GALNT13: variants seen among roughly 807,000 people sequenced by gnomAD.
GALNT13 encodes the protein UDP-GalNAc:polypeptide N-acetylgalactosaminyltransferase 13.
A neutral mutation model predicts 64.2 loss-of-function variants in GALNT13; 28 were observed. That is an observed-to-expected ratio of 0.44 (90% CI 0.32 to 0.60). The LOEUF (loss-of-function observed/expected upper bound fraction) is 0.60, where lower values mean the gene tolerates loss of function less well. Among genes scored for constraint, GALNT13 ranks in the 20% least tolerant of loss-of-function variants. The probability of loss-of-function intolerance (pLI) is 0.05; values close to 1 mark genes in which losing one functional copy is unlikely to be tolerated. For synonymous variants in GALNT13, 214 were observed against 224.6 expected, an observed-to-expected ratio of 0.95 and a Z score of 0.42; for missense variants, 577 against 669.8, an observed-to-expected ratio of 0.86 and a Z score of 1.53.
the GALNT13 span, among the ~76,000 whole-genome samples, chr2:153,787,793 A>G: frequency 6.6e-6 from 1 of 152,232 alleles, no homozygotes; most frequent in African/African-American, 2.4e-5. Context: ...GAATTTTGCA[A>G]TGCAATTGCC....
At chr2:154,361,903 A>G (rs1179390579) in intron 9 of GALNT13, among the ~76,000 whole-genome samples, 1 of 152,132 alleles carries the variant, frequency 6.6e-6, no homozygotes, top group East Asian at 1.9e-4. Context: ...TCTTTCCAAG[A>G]CTTATTTATT....
chr2:153,400,703 T>A, the GALNT13 span, among the ~76,000 whole-genome samples: 33,595 of 152,120 alleles, frequency 0.22, 4,166 homozygotes, highest in African/African-American at 0.34. Flanking sequence ...ATTTTGTAGT[T>A]TATTTGCGTA....
At chr2:154,391,639 C>T (rs1698797813) in intron 9 of GALNT13, among the ~76,000 whole-genome samples, 1 of 152,092 alleles carries the variant, frequency 6.6e-6, no homozygotes, top group Admixed American at 6.6e-5. Context: ...AACAGCTATC[C>T]AATGCAATAT....
the GALNT13 span, among the ~76,000 whole-genome samples, chr2:153,372,336 T>G: frequency 8.0e-5 from 12 of 149,546 alleles, no homozygotes; most frequent in African/African-American, 3.0e-4. Context: ...CAGAAAGAAA[T>G]AAACATATAG....
the GALNT13 span, chr2:153,762,543 G>T: frequency 5.5e-6 from 1 of 182,798 alleles, no homozygotes; most frequent in Non-Finnish European, 1.2e-5. Context: ...ATTTTTATCA[G>T]GGTGGTACTT....
At chr2:153,698,807 C>G in the GALNT13 span, among the ~76,000 whole-genome samples, 1 of 152,198 alleles carries the variant, frequency 6.6e-6, no homozygotes, top group Non-Finnish European at 1.5e-5. Context: ...TTACATGGCA[C>G]TTATTCTAAA....
chr2:153,817,478 C>T, the GALNT13 span, among the ~76,000 whole-genome samples: 1 of 152,188 alleles, frequency 6.6e-6, no homozygotes, highest in East Asian at 1.9e-4. Flanking sequence ...CCTGACCTGT[C>T]TTCAGCAAAA....
At chr2:153,265,712 T>C in the GALNT13 span, among the ~76,000 whole-genome samples, 1 of 152,310 alleles carries the variant, frequency 6.6e-6, no homozygotes, top group Admixed American at 6.5e-5. Flanking sequence ...GGTGTTCCTG[T>C]GCAGAAGATT....
At chr2:153,835,937 TG>T in the GALNT13 span, among the ~76,000 whole-genome samples, 1 of 152,060 alleles carries the variant, frequency 6.6e-6, no homozygotes, top group African/African-American at 2.4e-5. Flanking sequence ...TTTGCCATTT[TG>T]GGGGGAATAG....
chr2:153,113,612 T>C, the GALNT13 span, among the ~76,000 whole-genome samples: 1 of 152,028 alleles, frequency 6.6e-6, no homozygotes, highest in African/African-American at 2.4e-5. Flanking sequence ...GATGGATTGT[T>C]GTAGTCTTTG....
At chr2:153,174,797 G>T in the GALNT13 span, among the ~76,000 whole-genome samples, 1 of 152,084 alleles carries the variant, frequency 6.6e-6, no homozygotes, top group African/African-American at 2.4e-5. Flanking sequence ...TTTACCTGAA[G>T]CATCTTTAAT....
chr2:154,007,333 G>A (rs978622376), intron 3 of GALNT13, among the ~76,000 whole-genome samples: 2 of 149,546 alleles, frequency 1.3e-5, no homozygotes, highest in Non-Finnish European at 3.0e-5. Flanking sequence ...AAGGAGCAAG[G>A]CCTGGCCAAC....
At chr2:153,823,322 C>T in the GALNT13 span, among the ~76,000 whole-genome samples, 2 of 151,990 alleles carry the variant, frequency 1.3e-5, no homozygotes, top group African/African-American at 2.4e-5. Context: ...CCAAAGCAAC[C>T]CAAAGTGAAA....
the GALNT13 span, among the ~76,000 whole-genome samples, chr2:153,821,963 A>G: frequency 6.6e-6 from 1 of 152,226 alleles, no homozygotes; most frequent in South Asian, 2.1e-4. Context: ...AACTCTGTTC[A>G]CACAAACTAG....
At chr2:153,549,677 C>T in the GALNT13 span, among the ~76,000 whole-genome samples, 1 of 152,146 alleles carries the variant, frequency 6.6e-6, no homozygotes, top group South Asian at 2.1e-4. Context: ...GCTTTTCATG[C>T]AGAGCCTAGT....
chr2:153,217,107 TC>T, the GALNT13 span, among the ~76,000 whole-genome samples: 1 of 152,046 alleles, frequency 6.6e-6, no homozygotes, highest in Admixed American at 6.6e-5. Context: ...GTACCAAAGT[TC>T]ATTGTTTTTA....
At chr2:153,076,773 G>A in the GALNT13 span, among the ~76,000 whole-genome samples, 2 of 151,774 alleles carry the variant, frequency 1.3e-5, no homozygotes, top group Non-Finnish European at 2.9e-5. Context: ...TAGATTTTCA[G>A]CTCTATTTTG....
intron 4 of GALNT13, among the ~76,000 whole-genome samples, chr2:154,198,413 A>C (rs1233721007): frequency 6.6e-6 from 1 of 151,994 alleles, no homozygotes; most frequent in African/African-American, 2.4e-5. Flanking sequence ...AGTATATACA[A>C]CATAAAATTT....
At chr2:153,277,927 C>CTTTTTTTTTTTTTTTTTTTTTTTT in the GALNT13 span, among the ~76,000 whole-genome samples, 39 of 80,098 alleles carry the variant, frequency 4.9e-4, 2 homozygotes, top group Non-Finnish European at 7.0e-4. Flanking sequence ...TCTTTTCTTT[C>CTTTTTTTTTTTTTTTTTTTTTTTT]TTTTTTTTTT....
Sources: gnomAD v4.1 joint callset for allele counts (sites outside exome capture counted in the v4.1 genomes callset) on GRCh38, gnomAD v4.1.1 for gene constraint, MANE v1.5 for transcripts, NCBI Gene and HGNC (gene_info 2026-07-23, HGNC 2026-07-21) for gene names.